Variants in HS3ST5 observed in about 807,000 individuals in gnomAD.
HS3ST5 encodes the protein heparan sulfate glucosamine 3-O-sulfotransferase 5.
In HS3ST5, 10 loss-of-function variants were observed where a neutral mutation model predicts 25.4. That is an observed-to-expected ratio of 0.39 (90% CI 0.24 to 0.67). The LOEUF (loss-of-function observed/expected upper bound fraction) is 0.67, where lower values mean the gene tolerates loss of function less well. HS3ST5 is among the 30% of genes least tolerant of loss of function. HS3ST5 has a pLI of 0.44. For synonymous variants in HS3ST5, 170 were observed against 162.4 expected (o/e 1.05, Z -0.36); for missense variants, 324 against 420.7 (o/e 0.77, Z 2.01).
intron 3 of HS3ST5, among the ~76,000 whole-genome samples, chr6:114,150,674 A>G (rs762872601): frequency 2.6e-5 from 4 of 152,202 alleles, no homozygotes; most frequent in East Asian, 1.9e-4. Context: ...TCTATAGCAT[A>G]CATGCAATAT....
intron 3 of HS3ST5, among the ~76,000 whole-genome samples, chr6:114,130,067 C>T (rs1519688): frequency 0.25 from 38,049 of 152,040 alleles, 4,882 homozygotes; most frequent in African/African-American, 0.29. Context: ...CTCAATGAAA[C>T]GAAGTATATA....
At chr6:114,170,267 A>G (rs1779415864) in intron 2 of HS3ST5, among the ~76,000 whole-genome samples, 1 of 152,154 alleles carries the variant, frequency 6.6e-6, no homozygotes, top group Non-Finnish European at 1.5e-5. Flanking sequence ...ATATGTATGT[A>G]CATATGTATA....
chr6:114,114,140 A>C (rs1776403078), intron 3 of HS3ST5, among the ~76,000 whole-genome samples: 1 of 152,154 alleles, frequency 6.6e-6, no homozygotes, highest in Non-Finnish European at 1.5e-5. Flanking sequence ...AAATGGAATA[A>C]CCTGGGTGGT....
chr6:114,278,542 T>C (rs1773968419), intron 1 of HS3ST5, among the ~76,000 whole-genome samples: 1 of 151,754 alleles, frequency 6.6e-6, no homozygotes, highest in African/African-American at 2.4e-5. Flanking sequence ...TACTTCAGTA[T>C]TCTTTAAAAG....
intron 2 of HS3ST5, among the ~76,000 whole-genome samples, chr6:114,215,889 TG>T (rs1400121954): frequency 1.3e-5 from 2 of 152,242 alleles, no homozygotes; most frequent in Non-Finnish European, 2.9e-5. Flanking sequence ...ACTCATCTTC[TG>T]GGGCCACAGA....
At chr6:114,299,125 TGAGAAA>T in intron 1 of HS3ST5, among the ~76,000 whole-genome samples, 1 of 152,136 alleles carries the variant, frequency 6.6e-6, no homozygotes, top group African/African-American at 2.4e-5. Flanking sequence ...GCAACATCCC[TGAGAAA>T]GAGAATGCAC....
intron 3 of HS3ST5, among the ~76,000 whole-genome samples, chr6:114,106,441 C>T (rs1273318757): frequency 6.6e-6 from 1 of 151,984 alleles, no homozygotes; most frequent in Admixed American, 6.6e-5. Context: ...CTGCCTTTCC[C>T]ACTTACAATA....
intron 3 of HS3ST5, among the ~76,000 whole-genome samples, chr6:114,071,705 A>C (rs972648094): frequency 6.6e-6 from 1 of 152,162 alleles, no homozygotes; most frequent in African/African-American, 2.4e-5. Context: ...TTGTCTTTGT[A>C]TACTACTTAG....
chr6:114,237,127 G>A (rs983668633), intron 1 of HS3ST5, among the ~76,000 whole-genome samples: 1 of 152,142 alleles, frequency 6.6e-6, no homozygotes, highest in African/African-American at 2.4e-5. Flanking sequence ...AAAGACTAAT[G>A]TATTTTTGAT....
At chr6:114,249,776 C>A (rs1772561324) in intron 1 of HS3ST5, among the ~76,000 whole-genome samples, 1 of 152,164 alleles carries the variant, frequency 6.6e-6, no homozygotes. Flanking sequence ...AGATGAGCCT[C>A]TCCATCTGTC....
At chr6:114,144,727 T>C (rs1163285985) in intron 3 of HS3ST5, among the ~76,000 whole-genome samples, 1 of 152,294 alleles carries the variant, frequency 6.6e-6, no homozygotes, top group East Asian at 1.9e-4. Context: ...TAATCTTAGC[T>C]CTGACACTTA....
chr6:114,132,640 G>A (rs1456595778), intron 3 of HS3ST5, among the ~76,000 whole-genome samples: 1 of 152,198 alleles, frequency 6.6e-6, no homozygotes, highest in Non-Finnish European at 1.5e-5. Context: ...TGAAACAAAG[G>A]TTTTGGCCAG....
intron 3 of HS3ST5, among the ~76,000 whole-genome samples, chr6:114,107,523 T>C (rs1428088729): frequency 2.0e-5 from 3 of 152,180 alleles, no homozygotes; most frequent in Admixed American, 2.0e-4. Flanking sequence ...TTTTGAAAGT[T>C]CCAGCCAGTG....
At chr6:114,118,762 A>G (rs1776648537) in intron 3 of HS3ST5, among the ~76,000 whole-genome samples, 1 of 152,212 alleles carries the variant, frequency 6.6e-6, no homozygotes, top group Non-Finnish European at 1.5e-5. Context: ...TTTAGAAGAC[A>G]GGAGTAGAAT....
intron 3 of HS3ST5, among the ~76,000 whole-genome samples, chr6:114,089,237 CATTAA>C (rs1775001305): frequency 6.6e-6 from 1 of 152,178 alleles, no homozygotes; most frequent in Non-Finnish European, 1.5e-5. Flanking sequence ...TTCAGCCAAC[CATTAA>C]ATTAGCCATT....
At chr6:114,174,388 G>A (rs1322885908) in intron 2 of HS3ST5, among the ~76,000 whole-genome samples, 1 of 151,904 alleles carries the variant, frequency 6.6e-6, no homozygotes, top group African/African-American at 2.4e-5. Context: ...CAGCATAAGG[G>A]CTAAGACAAT....
chr6:114,216,357 T>G (rs1781761188), intron 2 of HS3ST5, among the ~76,000 whole-genome samples: 1 of 152,224 alleles, frequency 6.6e-6, no homozygotes, highest in South Asian at 2.1e-4. Context: ...ATATCATAAA[T>G]GCATGCAACT....
chr6:114,196,102 A>G (rs763086056), intron 2 of HS3ST5, among the ~76,000 whole-genome samples: 19 of 152,104 alleles, frequency 1.2e-4, no homozygotes, highest in Non-Finnish European at 2.8e-4. Flanking sequence ...CCCCCTCTCC[A>G]TGACAGAGAG....
intron 1 of HS3ST5, among the ~76,000 whole-genome samples, chr6:114,256,306 T>C (rs1772914748): frequency 6.6e-6 from 1 of 150,508 alleles, no homozygotes. Flanking sequence ...GAGAATGGCG[T>C]GAACCCGGGA....
Sources: gnomAD v4.1 joint callset for allele counts (sites outside exome capture counted in the v4.1 genomes callset) on GRCh38, gnomAD v4.1.1 for gene constraint, MANE v1.5 for transcripts, NCBI Gene and HGNC (gene_info 2026-07-23, HGNC 2026-07-21) for gene names.